The following UBAC2 variants were observed in gnomAD, a reference collection of about 807,000 sequenced individuals.
The protein encoded by UBAC2 is UBA domain containing 2, also known as ubiquitin-associated domain-containing protein 2.
In UBAC2, 26 loss-of-function variants were observed where a neutral mutation model predicts 44.0. The observed-to-expected ratio is 0.59, with a 90% confidence interval of 0.43 to 0.82. The LOEUF is 0.82. UBAC2 is among the 40% of genes least tolerant of loss of function. The pLI is 0.00. For synonymous variants in UBAC2, 155 were observed against 154.3 expected, an observed-to-expected ratio of 1.00 and a Z score of -0.04; for missense variants, 329 against 419.4, an observed-to-expected ratio of 0.78 and a Z score of 1.88.
chr13:99,201,238 G>A, intron 1 of UBAC2: 2 of 1,434,130 alleles, frequency 1.4e-6, no homozygotes, highest in South Asian at 1.5e-5. Context: ...GTGCCCTGGT[G>A]TTCTCGTGGG....
intron 4 of UBAC2, among the ~76,000 whole-genome samples, chr13:99,247,298 T>A (rs967487160): frequency 1.3e-5 from 2 of 151,674 alleles, no homozygotes; most frequent in Admixed American, 1.3e-4. Flanking sequence ...CACTGCAAGC[T>A]CCGCCTCCCC....
intron 7 of UBAC2, among the ~76,000 whole-genome samples, chr13:99,346,619 A>C (rs2044986523): frequency 2.0e-5 from 3 of 147,020 alleles, no homozygotes; most frequent in Non-Finnish European, 3.0e-5. Context: ...CCTTCACCCC[A>C]CCCCTCCCAC....
At position 99,238,528 on chromosome 13, in the gene UBAC2, C is replaced by T; in HGVS notation, c.133C>T (p.Leu45Phe). 1 of 1,612,168 alleles carries T rather than the reference C, an allele frequency of 6.2e-7. No individual in the cohort carries two copies. The highest frequency in any genetic ancestry group is 8.5e-7 in the Non-Finnish European group (1 of 1,178,866). ...CTGCCAGAAGCTCTTTGTGTATGAC[C>T]TTCACGCAGTCAAGAACGACTTCCA... is the stretch of plus-strand genomic sequence containing the variant. ...PHCQKLFVYDLHAVKNDFQIW... is the reference protein window; with the variant it reads ...PHCQKLFVYDFHAVKNDFQIW... Residue 45 changes from leucine to phenylalanine, a missense_variant, in exon 2 of 9, where the codon CTT (leucine) becomes TTT (phenylalanine). Transcript: ENST00000403766.
chr13:99,266,419 G>T (rs570570206), intron 4 of UBAC2, among the ~76,000 whole-genome samples: 1 of 152,116 alleles, frequency 6.6e-6, no homozygotes, highest in Non-Finnish European at 1.5e-5. Flanking sequence ...ACTAATTTGT[G>T]TTGGACTGCA....
chr13:99,308,095 A>G (rs1248536859), intron 4 of UBAC2: 1 of 152,188 alleles, frequency 6.6e-6, no homozygotes, highest in Non-Finnish European at 1.5e-5. Context: ...GTTGTAGTTG[A>G]CTCAGTTTAA....
At chr13:99,317,383 A>G (rs2044507329) in intron 5 of UBAC2, among the ~76,000 whole-genome samples, 1 of 152,210 alleles carries the variant, frequency 6.6e-6, no homozygotes, top group Non-Finnish European at 1.5e-5. Flanking sequence ...GCACAACTCT[A>G]AGATATAAAC....
At chr13:99,312,094 A>G (rs974212494) in intron 4 of UBAC2, among the ~76,000 whole-genome samples, 1 of 152,202 alleles carries the variant, frequency 6.6e-6, no homozygotes, top group Non-Finnish European at 1.5e-5. Context: ...TGCGGCTGCC[A>G]TTTATCACAT....
At chr13:99,264,490 G>A (rs186744028) in intron 4 of UBAC2, among the ~76,000 whole-genome samples, 37 of 152,276 alleles carry the variant, frequency 2.4e-4, no homozygotes, top group African/African-American at 8.2e-4. Flanking sequence ...TCTTGGCTTC[G>A]TTTGTCCCCT....
At chr13:99,246,655 C>T (rs902473257) in intron 4 of UBAC2, among the ~76,000 whole-genome samples, 1 of 152,056 alleles carries the variant, frequency 6.6e-6, no homozygotes, top group Non-Finnish European at 1.5e-5. Flanking sequence ...TTTTGGAATC[C>T]CATTAACTAG....
At chr13:99,240,096 C>T (rs180843178) in intron 2 of UBAC2, among the ~76,000 whole-genome samples, 1 of 152,112 alleles carries the variant, frequency 6.6e-6, no homozygotes, top group African/African-American at 2.4e-5. Flanking sequence ...TTGGAGAAGT[C>T]CAGGAGGGCT....
At chr13:99,234,023 CAG>C (rs1410819274) in intron 1 of UBAC2, among the ~76,000 whole-genome samples, 2 of 151,970 alleles carry the variant, frequency 1.3e-5, no homozygotes, top group African/African-American at 4.8e-5. Context: ...AGAGTGAAAA[CAG>C]AGCTCCCATA....
intron 1 of UBAC2, among the ~76,000 whole-genome samples, chr13:99,202,978 C>G (rs908741634): frequency 6.6e-6 from 1 of 152,084 alleles, no homozygotes; most frequent in African/African-American, 2.4e-5. Flanking sequence ...ACATTTTTCT[C>G]TGGAGAAGCT....
intron 8 of UBAC2, among the ~76,000 whole-genome samples, chr13:99,384,098 C>G (rs2045587613): frequency 6.7e-6 from 1 of 149,162 alleles, no homozygotes; most frequent in South Asian, 2.1e-4. Flanking sequence ...TTCACACCCA[C>G]TGAGTCCCCT....
intron 8 of UBAC2, among the ~76,000 whole-genome samples, chr13:99,375,714 A>G (rs2045470622): frequency 6.6e-6 from 1 of 151,944 alleles, no homozygotes; most frequent in African/African-American, 2.4e-5. Context: ...TGAATGTCCC[A>G]TTTTACTTAT....
At chr13:99,377,261 C>G (rs2045493735) in intron 8 of UBAC2, 1 of 152,380 alleles carries the variant, frequency 6.6e-6, no homozygotes, top group Non-Finnish European at 1.5e-5. Context: ...GGCCCTAACC[C>G]AGTACCCAAC....
chr13:99,202,501 C>CA (rs1216687514), intron 1 of UBAC2, among the ~76,000 whole-genome samples: 1 of 152,116 alleles, frequency 6.6e-6, no homozygotes, highest in Admixed American at 6.5e-5. Context: ...CCTTGCTGGC[C>CA]AAAGTACATA....
At chr13:99,228,172 C>T (rs761941749) in intron 1 of UBAC2, among the ~76,000 whole-genome samples, 3 of 152,238 alleles carry the variant, frequency 2.0e-5, no homozygotes, top group African/African-American at 7.2e-5. Context: ...GTTGCACTTA[C>T]ATCACCCCTG....
intron 6 of UBAC2, among the ~76,000 whole-genome samples, chr13:99,338,839 C>G (rs2044840652): frequency 6.6e-6 from 1 of 152,210 alleles, no homozygotes; most frequent in South Asian, 2.1e-4. Context: ...CTGACCATCC[C>G]TATTTTAAAA....
chr13:99,360,400 G>A (rs2045249596), intron 7 of UBAC2, among the ~76,000 whole-genome samples: 1 of 152,192 alleles, frequency 6.6e-6, no homozygotes, highest in African/African-American at 2.4e-5. Flanking sequence ...TGAGGTGGGT[G>A]CAGTTATTAT....
Sources: gnomAD v4.1 joint callset for allele counts (sites outside exome capture counted in the v4.1 genomes callset) on GRCh38, gnomAD v4.1.1 for gene constraint, MANE v1.5 for transcripts, NCBI Gene and HGNC (gene_info 2026-07-23, HGNC 2026-07-21) for gene names.